METTL6: variants seen among roughly 807,000 people sequenced by gnomAD.
The protein encoded by METTL6 is methyltransferase 6, tRNA N3-cytidine.
METTL6 carries 22 observed loss-of-function variants against 26.4 expected under a neutral mutation model. The observed-to-expected ratio is 0.83, with a 90% CI of 0.59 to 1.19. METTL6 has a LOEUF of 1.19. Among genes scored for constraint, METTL6 ranks in the 50% most tolerant of loss-of-function variants. The probability of loss-of-function intolerance (pLI) is 0.00; values close to 1 mark genes in which losing one functional copy is unlikely to be tolerated. For missense variants in METTL6, 304 were observed against 324.8 expected, an observed-to-expected ratio of 0.94 and a Z score of 0.49; for synonymous variants, 109 against 116.2, an observed-to-expected ratio of 0.94 and a Z score of 0.40.
At chr3:15,423,728 T>A (rs2061658239) in intron 3 of METTL6, among the ~76,000 whole-genome samples, 1 of 150,574 alleles carries the variant, frequency 6.6e-6, no homozygotes, top group Admixed American at 6.6e-5. Flanking sequence ...AATAAACAAA[T>A]AAACACTAGC....
chr3:15,418,892 G>T (rs1468182416), intron 3 of METTL6, among the ~76,000 whole-genome samples: 1 of 152,012 alleles, frequency 6.6e-6, no homozygotes, highest in Non-Finnish European at 1.5e-5. Context: ...TAGGAGTAAA[G>T]GACTCCTAAA....
intron 6 of METTL6, among the ~76,000 whole-genome samples, chr3:15,386,631 G>C (rs553676654): frequency 3.3e-5 from 5 of 152,246 alleles, no homozygotes; most frequent in Admixed American, 3.3e-4. Flanking sequence ...TTGTACACAT[G>C]CTAAGTTGAG....
intron 6 of METTL6, among the ~76,000 whole-genome samples, chr3:15,387,708 G>A (rs766680183): frequency 4.6e-5 from 7 of 152,182 alleles, no homozygotes; most frequent in Non-Finnish European, 8.8e-5. Flanking sequence ...GGAGTGAGGA[G>A]ATGGGGAATA....
chr3:15,387,944 C>T (rs953025960), intron 6 of METTL6, among the ~76,000 whole-genome samples: 1 of 152,000 alleles, frequency 6.6e-6, no homozygotes, highest in African/African-American at 2.4e-5. Flanking sequence ...CATGGGTTCA[C>T]CTTGCCTGCT....
chr3:15,419,861 CTTTTTTT>C (rs1324825917), intron 3 of METTL6, among the ~76,000 whole-genome samples: 4 of 132,352 alleles, frequency 3.0e-5, no homozygotes, highest in Non-Finnish European at 6.5e-5. Context: ...AACTGTTTTT[CTTTTTTT>C]TTTTTTTTTT....
exon 7 of METTL6, chr3:15,381,579 G>C (rs1699084120): frequency 6.6e-6 from 1 of 152,150 alleles, no homozygotes; most frequent in Admixed American, 6.5e-5. Context: ...TTTTGGGGGA[G>C]GCACTATTAC....
chr3:15,427,037 C>G (rs1230620111), intron 1 of METTL6, among the ~76,000 whole-genome samples: 4 of 152,184 alleles, frequency 2.6e-5, no homozygotes, highest in African/African-American at 9.7e-5. Flanking sequence ...GTGAGGTCAT[C>G]GTTTCCCAAG....
intron 6 of METTL6, among the ~76,000 whole-genome samples, chr3:15,401,635 C>G (rs1411439749): frequency 1.3e-5 from 2 of 151,880 alleles, no homozygotes; most frequent in Non-Finnish European, 2.9e-5. Context: ...CAGCCAAAAC[C>G]CACCAAAACC....
downstream of METTL6, among the ~76,000 whole-genome samples, chr3:15,408,019 G>A (rs1016468343): frequency 2.0e-5 from 3 of 152,178 alleles, no homozygotes; most frequent in Non-Finnish European, 4.4e-5. Context: ...TGCAGTTTGT[G>A]TGGATAAGAT....
In METTL6 at chr3:15,389,912, G is replaced by A. The variant is rs144704957; in HGVS notation, c.*12-5725C>T. On this transcript the variant is annotated intron_variant, in intron 6 of 6. Transcript: ENST00000443029. ...ACTCTGTCACCCAGGCTAGAGAGCA[G>A]TGAAATTATAGCTCAGTGCATCCCT... Among the ~76,000 whole-genome samples the A allele has an allele frequency of 2.5e-3, 375 of 148,826 alleles. 2 individuals are homozygous for A. The highest frequency in any genetic ancestry group is 9.1e-3 in the African/African-American group (364 of 40,086).
At chr3:15,423,490 T>C (rs2061651853) in intron 3 of METTL6, among the ~76,000 whole-genome samples, 1 of 152,218 alleles carries the variant, frequency 6.6e-6, no homozygotes, top group Non-Finnish European at 1.5e-5. Flanking sequence ...TCCCACACTC[T>C]GGGAGTCTGA....
intron 6 of METTL6, among the ~76,000 whole-genome samples, chr3:15,389,075 C>T (rs1301327010): frequency 6.6e-6 from 1 of 151,832 alleles, no homozygotes; most frequent in Non-Finnish European, 1.5e-5. Context: ...AGGCTTGTCT[C>T]AAACTCTTGG....
intron 6 of METTL6, among the ~76,000 whole-genome samples, chr3:15,394,349 T>C (rs1489575021): frequency 2.0e-5 from 3 of 152,240 alleles, no homozygotes; most frequent in Non-Finnish European, 1.5e-5. Context: ...TGATATCCCC[T>C]TTATCATTTT....
intron 5 of METTL6, 41 bp downstream of exon 5, chr3:15,413,980 A>T (rs371686747): frequency 5.0e-6 from 8 of 1,613,076 alleles, no homozygotes; most frequent in African/African-American, 1.3e-5. Context: ...AAACAGAAAC[A>T]AAGAATAAAA....
At chr3:15,422,567 G>C (rs1440397806) in intron 3 of METTL6, among the ~76,000 whole-genome samples, 1 of 151,860 alleles carries the variant, frequency 6.6e-6, no homozygotes, top group Non-Finnish European at 1.5e-5. Context: ...TGAGGCTGCA[G>C]TGAGCTCTAA....
intron 3 of METTL6, among the ~76,000 whole-genome samples, chr3:15,422,652 T>TA (rs113335935): frequency 2.6e-5 from 4 of 151,096 alleles, no homozygotes; most frequent in African/African-American, 7.3e-5. Context: ...AAGATTAACT[T>TA]AAAAAAAAAG....
chr3:15,389,843 C>T (rs973790802), intron 6 of METTL6, among the ~76,000 whole-genome samples: 4 of 142,964 alleles, frequency 2.8e-5, no homozygotes, highest in African/African-American at 1.1e-4. Context: ...CCACCGCGCC[C>T]GGCCAATTTT....
At chr3:15,393,181 G>A (rs1699395302) in intron 6 of METTL6, among the ~76,000 whole-genome samples, 1 of 152,146 alleles carries the variant, frequency 6.6e-6, no homozygotes, top group Non-Finnish European at 1.5e-5. Flanking sequence ...ATTGAGCAGT[G>A]GTTGTAGTTC....
downstream of METTL6, among the ~76,000 whole-genome samples, chr3:15,407,542 G>T (rs1484406577): frequency 6.6e-6 from 1 of 152,066 alleles, no homozygotes; most frequent in East Asian, 1.9e-4. Context: ...TCTCTTGGCC[G>T]GATGGTCTGC....
Sources: allele counts gnomAD v4.1 joint callset (sites outside exome capture counted in the v4.1 genomes callset), GRCh38; gene constraint gnomAD v4.1.1; transcripts MANE v1.5; gene names NCBI Gene and HGNC (gene_info 2026-07-23, HGNC 2026-07-21).